Variants in AMPH observed in about 807,000 individuals in gnomAD.
The protein encoded by AMPH is amphiphysin (Stiff-Mann syndrome with breast cancer 128kD autoantigen).
Under a neutral mutation model 99.1 loss-of-function variants are expected in AMPH, and 49 were observed. That is an observed-to-expected ratio of 0.49 (90% CI 0.39 to 0.63). The LOEUF (loss-of-function observed/expected upper bound fraction) is 0.63, where lower values mean the gene tolerates loss of function less well. Among genes scored for constraint, AMPH ranks in the 20% least tolerant of loss-of-function variants. AMPH has a pLI of 0.00. For synonymous variants in AMPH, 314 were observed against 317.3 expected (o/e 0.99, Z 0.11); for missense variants, 759 against 863.4 (o/e 0.88, Z 1.52).
At chr7:38,548,813 G>A (rs940056357) in intron 1 of AMPH, among the ~76,000 whole-genome samples, 4 of 152,206 alleles carry the variant, frequency 2.6e-5, no homozygotes, top group African/African-American at 9.6e-5. Context: ...TTAGGACTAG[G>A]TGTGCCGTTT....
intron 11 of AMPH, among the ~76,000 whole-genome samples, chr7:38,443,127 T>C (rs1320304942): frequency 2.6e-5 from 4 of 152,014 alleles, no homozygotes; most frequent in Non-Finnish European, 5.9e-5. Flanking sequence ...TTAGATGAAA[T>C]GGACAGATTT....
At chr7:38,631,008 G>A (rs1794439795) in intron 1 of AMPH, among the ~76,000 whole-genome samples, 1 of 152,172 alleles carries the variant, frequency 6.6e-6, no homozygotes, top group South Asian at 2.1e-4. Context: ...GGCAACCCGG[G>A]GCCGGCTCCG....
rs56738810 is a variant in AMPH, at chr7:38,406,731, C to CCTCTCTCTCTCTCT, written c.1398+11080_1398+11093dup. 1.7e-3 allele frequency among the ~76,000 whole-genome samples: 136 copies of CCTCTCTCTCTCTCT among 80,506 alleles called. 3 individuals are homozygous for CCTCTCTCTCTCTCT. The highest frequency in any genetic ancestry group is 7.3e-3 in the African/African-American group (132 of 18,196). The allele number at this position is 80,506 out of a possible 152,430, so 52.8% of individuals were successfully genotyped here. A position where few individuals can be genotyped will look rare whatever the true frequency, so the allele number is the denominator to read the frequency against. ...CTCCTCTCCTCTCTCTCTCCCTTTCCCTCTCTCTCTCTCTCTCTCTCTCTC... is the reference window on the plus strand; with the variant it reads ...CTCCTCTCCTCTCTCTCTCCCTTTCCCTCTCTCTCTCTCTCTCTCTCTCTCTCTCTCTCTCTCTC... On this transcript the variant is annotated intron_variant, in intron 17 of 20. Coordinates refer to ENST00000356264, the MANE Select transcript of AMPH (RefSeq NM_001635.4).
chr7:38,596,159 CT>C, intron 1 of AMPH, among the ~76,000 whole-genome samples: 1 of 152,254 alleles, frequency 6.6e-6, no homozygotes, highest in South Asian at 2.1e-4. Flanking sequence ...CCAACTTTAG[CT>C]TGGATGTGAG....
chr7:38,407,048 C>CTCTCTCTCTCTCTCTCTCTA (rs1241166935), intron 17 of AMPH, among the ~76,000 whole-genome samples: 3 of 31,260 alleles, frequency 9.6e-5, no homozygotes, highest in South Asian at 1.2e-3. Flanking sequence ...CTCTCTCTCT[C>CTCTCTCTCTCTCTCTCTCTA]TATATATATA....
At chr7:38,447,025 T>TTTTG (rs1554337805) in intron 11 of AMPH, among the ~76,000 whole-genome samples, 1 of 150,344 alleles carries the variant, frequency 6.7e-6, no homozygotes, top group Non-Finnish European at 1.5e-5. Flanking sequence ...TATTTTTTTT[T>TTTTG]TTTGTTTGTT....
intron 14 of AMPH, chr7:38,427,830 G>T (rs1267691775): frequency 1.1e-5 from 5 of 453,298 alleles, no homozygotes; most frequent in Admixed American, 7.1e-5. Flanking sequence ...ACAGACCAGG[G>T]TAAGTACCTC....
intron 17 of AMPH, among the ~76,000 whole-genome samples, chr7:38,404,560 C>G (rs755592525): frequency 1.3e-5 from 2 of 152,090 alleles, no homozygotes; most frequent in East Asian, 1.9e-4. Flanking sequence ...CTGAAAGCAC[C>G]TAGAAACAAA....
chr7:38,525,273 T>TAG (rs1360827159), intron 2 of AMPH, among the ~76,000 whole-genome samples: 40 of 83,336 alleles, frequency 4.8e-4, no homozygotes, highest in South Asian at 2.1e-3. Context: ...TATATATATA[T>TAG]ATATAGAGAG....
chr7:38,436,986 G>A (rs12530493), intron 11 of AMPH, among the ~76,000 whole-genome samples: 8,739 of 152,208 alleles, frequency 0.057, 646 homozygotes, highest in East Asian at 0.35. Context: ...GAGGGTGAAC[G>A]GGAGGGAGAG....
intron 2 of AMPH, among the ~76,000 whole-genome samples, chr7:38,508,888 A>G (rs914661770): frequency 1.3e-5 from 2 of 152,216 alleles, no homozygotes; most frequent in Non-Finnish European, 2.9e-5. Context: ...AGATTTAATG[A>G]GGCCATAATC....
chr7:38,567,890 C>T (rs1186971727), intron 1 of AMPH, among the ~76,000 whole-genome samples: 1 of 152,064 alleles, frequency 6.6e-6, no homozygotes, highest in Admixed American at 6.6e-5. Flanking sequence ...ATTTTGATAG[C>T]ACTTAAAATT....
chr7:38,612,080 T>G (rs1049742347), intron 1 of AMPH, among the ~76,000 whole-genome samples: 27 of 120,164 alleles, frequency 2.2e-4, no homozygotes, highest in African/African-American at 8.4e-4. Context: ...TGATTTTTTG[T>G]CTTCTTCTTT....
chr7:38,464,551 T>C (rs1787578214), intron 9 of AMPH, among the ~76,000 whole-genome samples: 1 of 152,224 alleles, frequency 6.6e-6, no homozygotes, highest in South Asian at 2.1e-4. Context: ...TGTGTATGAC[T>C]ATGTGTGTTT....
At chr7:38,572,240 T>C (rs962304224) in intron 1 of AMPH, among the ~76,000 whole-genome samples, 1 of 152,102 alleles carries the variant, frequency 6.6e-6, no homozygotes, top group Non-Finnish European at 1.5e-5. Flanking sequence ...ACCATATTTT[T>C]ATTGTGCCTT....
chr7:38,409,479 G>C (rs1167399553), intron 17 of AMPH, among the ~76,000 whole-genome samples: 2 of 152,160 alleles, frequency 1.3e-5, no homozygotes, highest in Admixed American at 6.5e-5. Context: ...TTTTCCTTCA[G>C]TGTGACTGTA....
At chr7:38,519,072 T>C (rs888946251) in intron 2 of AMPH, among the ~76,000 whole-genome samples, 1 of 152,232 alleles carries the variant, frequency 6.6e-6, no homozygotes, top group Non-Finnish European at 1.5e-5. Context: ...CAATTTCCTC[T>C]GTGTCACGTT....
At chr7:38,418,002 G>T (rs1176833321) in intron 16 of AMPH, 52 bp from the exon 17 acceptor site, 1 of 1,587,108 alleles carries the variant, frequency 6.3e-7, no homozygotes, top group Non-Finnish European at 8.6e-7. Context: ...CAGGTAAATA[G>T]ATAACATTAC....
intron 5 of AMPH, among the ~76,000 whole-genome samples, chr7:38,477,817 C>T (rs1370276208): frequency 1.3e-5 from 2 of 152,008 alleles, no homozygotes; most frequent in Non-Finnish European, 2.9e-5. Context: ...AAAAGTAAAA[C>T]CAATGTGGCT....
Sources: allele counts gnomAD v4.1 joint callset (sites outside exome capture counted in the v4.1 genomes callset), GRCh38; gene constraint gnomAD v4.1.1; transcripts MANE v1.5; gene names NCBI Gene and HGNC (gene_info 2026-07-23, HGNC 2026-07-21).